The following SLC8A1 variants were observed in gnomAD, a reference collection of about 807,000 sequenced individuals.
SLC8A1 encodes the protein sodium/calcium exchanger 1.
In SLC8A1, 18 loss-of-function variants were observed where a neutral mutation model predicts 68.3. That is an observed-to-expected ratio of 0.26 (90% CI 0.18 to 0.39). The LOEUF is 0.39. Ranked by LOEUF, SLC8A1 falls within the 10% of genes least tolerant of loss-of-function variation. The probability of loss-of-function intolerance (pLI) is 1.00; values close to 1 mark genes in which losing one functional copy is unlikely to be tolerated. For missense variants in SLC8A1, 985 were observed against 1,156.7 expected (o/e 0.85, Z 2.15); for synonymous variants, 475 against 415.5 (o/e 1.14, Z -1.74).
intron 2 of SLC8A1, among the ~76,000 whole-genome samples, chr2:40,194,546 T>A (rs540216565): frequency 6.6e-6 from 1 of 150,816 alleles, no homozygotes; most frequent in African/African-American, 2.4e-5. Context: ...GAAAGAGAAA[T>A]TTAAAGACAG....
intron 2 of SLC8A1, among the ~76,000 whole-genome samples, chr2:40,221,660 AG>A (rs546728066): frequency 9.2e-5 from 14 of 152,376 alleles, no homozygotes; most frequent in African/African-American, 3.4e-4. Flanking sequence ...TAAGCTGATA[AG>A]CAACTTCAGC....
chr2:40,408,577 G>T (rs1481707474), intron 2 of SLC8A1, among the ~76,000 whole-genome samples: 1 of 152,170 alleles, frequency 6.6e-6, no homozygotes, highest in South Asian at 2.1e-4. Flanking sequence ...AATTAGGACA[G>T]CTTTGGAAAA....
At chr2:40,276,262 A>G (rs1574996437) in intron 2 of SLC8A1, among the ~76,000 whole-genome samples, 1 of 152,216 alleles carries the variant, frequency 6.6e-6, no homozygotes, top group East Asian at 1.9e-4. Context: ...GTGCTGCCTG[A>G]TCTCCACTGG....
intron 6 of SLC8A1, among the ~76,000 whole-genome samples, chr2:40,150,188 G>C (rs2148367783): frequency 6.6e-6 from 1 of 152,240 alleles, no homozygotes; most frequent in Admixed American, 6.5e-5. Flanking sequence ...GCAAAGGCAA[G>C]GCAAGGGAGA....
At chr2:40,151,651 T>G (rs2043457206) in intron 6 of SLC8A1, among the ~76,000 whole-genome samples, 1 of 152,182 alleles carries the variant, frequency 6.6e-6, no homozygotes, top group Non-Finnish European at 1.5e-5. Flanking sequence ...GTTGACTGAA[T>G]TTTGAACACG....
intron 2 of SLC8A1, among the ~76,000 whole-genome samples, chr2:40,327,420 A>C (rs1197511157): frequency 6.6e-6 from 1 of 152,222 alleles, no homozygotes; most frequent in Non-Finnish European, 1.5e-5. Flanking sequence ...GTCAAAGGAA[A>C]TAACTGTTTC....
At chr2:40,280,916 A>G (rs903404323) in intron 2 of SLC8A1, among the ~76,000 whole-genome samples, 2 of 152,232 alleles carry the variant, frequency 1.3e-5, no homozygotes, top group Non-Finnish European at 2.9e-5. Context: ...ATCTCTTTAT[A>G]CAGTAACTCA....
At chr2:40,107,040 A>G (rs540051549) in exon 8 of SLC8A1, 2 of 152,266 alleles carry the variant, frequency 1.3e-5, no homozygotes, top group East Asian at 1.9e-4. Flanking sequence ...GTATATGAAA[A>G]TTGGAAGTTA....
At chr2:40,145,750 A>T (rs1489508181) in intron 6 of SLC8A1, among the ~76,000 whole-genome samples, 1 of 152,204 alleles carries the variant, frequency 6.6e-6, no homozygotes, top group Non-Finnish European at 1.5e-5. Flanking sequence ...CTGTTTGTGT[A>T]TGTGTGAGAA....
chr2:40,472,583 C>G (rs1704053464), intron 1 of SLC8A1, among the ~76,000 whole-genome samples: 1 of 152,122 alleles, frequency 6.6e-6, no homozygotes, highest in African/African-American at 2.4e-5. Flanking sequence ...AGGCTGGTCT[C>G]AAACTCACTC....
At chr2:40,300,303 C>T (rs936268202) in intron 2 of SLC8A1, among the ~76,000 whole-genome samples, 4 of 152,138 alleles carry the variant, frequency 2.6e-5, no homozygotes, top group Admixed American at 2.0e-4. Flanking sequence ...TTCTTGTTAT[C>T]ACACCCATCT....
At chr2:40,281,802 G>A (rs1415758911) in intron 2 of SLC8A1, among the ~76,000 whole-genome samples, 1 of 152,198 alleles carries the variant, frequency 6.6e-6, no homozygotes, top group Non-Finnish European at 1.5e-5. Flanking sequence ...CTGTAAGCCG[G>A]AATCAGCTAA....
Position 40,211,634 on chromosome 2 carries a change from A to G in SLC8A1, c.1809-33779T>C, listed in dbSNP as rs1487698126. ...GCAGAGCAGCAGACCCTGTGAAGTT[A>G]TGGAAGTGAAATGAATGGATCCTGA... On this transcript the variant is annotated intron_variant, in intron 2 of 7. Coordinates refer to ENST00000406785, the Ensembl canonical transcript of SLC8A1. Among the ~76,000 whole-genome samples, 5 of 152,312 alleles carry G rather than the reference A, an allele frequency of 3.3e-5. No homozygotes were observed. In the East Asian group the frequency reaches 9.7e-4, roughly 29 times the overall value.
chr2:40,115,601 G>A, exon 8 of SLC8A1: 1 of 1,610,876 alleles, frequency 6.2e-7, no homozygotes, highest in Non-Finnish European at 8.5e-7. Flanking sequence ...ACTGGTCCTG[G>A]GTGGCTGCCA....
At chr2:40,511,769 G>A (rs771605618) in intron 1 of SLC8A1, among the ~76,000 whole-genome samples, 12 of 152,238 alleles carry the variant, frequency 7.9e-5, no homozygotes, top group Middle Eastern at 3.4e-3. Flanking sequence ...TTCAACTTGC[G>A]TAAGACCCCG....
chr2:40,321,360 T>A (rs892072370), intron 2 of SLC8A1, among the ~76,000 whole-genome samples: 14 of 152,122 alleles, frequency 9.2e-5, no homozygotes, highest in Non-Finnish European at 1.9e-4. Context: ...TGGGATTATA[T>A]TTTTCAGAAA....
chr2:40,337,651 C>A (rs972000939), intron 2 of SLC8A1, among the ~76,000 whole-genome samples: 2 of 152,098 alleles, frequency 1.3e-5, no homozygotes, highest in African/African-American at 4.8e-5. Flanking sequence ...TAAACCTTTC[C>A]CCCTAGGTTT....
At chr2:40,196,627 G>C (rs1164697002) in intron 2 of SLC8A1, among the ~76,000 whole-genome samples, 1 of 151,990 alleles carries the variant, frequency 6.6e-6, no homozygotes, top group Non-Finnish European at 1.5e-5. Flanking sequence ...TCCATCAATT[G>C]GTGTTAGGGA....
exon 2 of SLC8A1, chr2:40,430,200 A>G: frequency 6.2e-7 from 1 of 1,613,808 alleles, no homozygotes; most frequent in African/African-American, 1.3e-5. Flanking sequence ...CCACATGGGA[A>G]AATAAGAGAC....
Sources: allele counts gnomAD v4.1 joint callset (sites outside exome capture counted in the v4.1 genomes callset), GRCh38; gene constraint gnomAD v4.1.1; transcripts MANE v1.5; gene names NCBI Gene and HGNC (gene_info 2026-07-23, HGNC 2026-07-21).